PCDHGB7: variants seen among roughly 807,000 people sequenced by gnomAD.
PCDHGB7 encodes the protein protocadherin gamma-B7.
Under a neutral mutation model 61.4 loss-of-function variants are expected in PCDHGB7, and 37 were observed. The ratio of observed to expected loss-of-function variants is 0.60; its 90% CI spans 0.46 to 0.79. PCDHGB7 has a LOEUF of 0.79. Among genes scored for constraint, PCDHGB7 ranks in the 30% least tolerant of loss-of-function variants. The pLI, the probability that PCDHGB7 is intolerant of heterozygous loss-of-function variation, is 0.00. For missense variants in PCDHGB7, 1,166 were observed against 1,202.5 expected (o/e 0.97, Z 0.45); for synonymous variants, 464 against 503.5 (o/e 0.92, Z 1.05).
chr5:141,472,060 T>C (rs185246000), intron 1 of PCDHGB7, among the ~76,000 whole-genome samples: 5 of 152,276 alleles, frequency 3.3e-5, no homozygotes, highest in Non-Finnish European at 1.5e-5. Context: ...ATGATTGACA[T>C]GTCTGTGGTT....
rs1236959966 is a variant in PCDHGB7, at chr5:141,511,984, G to C, written c.*811G>C. On this transcript the variant is annotated 3_prime_UTR_variant, in exon 4 of 4. Transcript: ENST00000398594. ...GGGAAGTGTGTGGATGTGGATGGTGGGGGCATGGACAAAGCTTGACACATC... is the reference window on the plus strand; with the variant it reads ...GGGAAGTGTGTGGATGTGGATGGTGCGGGCATGGACAAAGCTTGACACATC... 1 of 153,294 alleles carries C rather than the reference G, an allele frequency of 6.5e-6. No individual in the cohort carries two copies. Among genetic ancestry groups the C allele is most frequent in the African/African-American group, 2.4e-5 (1 of 41,452 alleles). 9.5% of individuals were successfully genotyped at this position (153,294 alleles called of 1,614,324 possible). A position where few individuals can be genotyped will look rare whatever the true frequency, so the allele number is the denominator to read the frequency against.
rs2096254230 is a variant in PCDHGB7 at position 141,418,409 on chromosome 5, G to A, written c.550G>A (p.Asp184Asn). 1 of 1,613,792 alleles carries A rather than the reference G, an allele frequency of 6.2e-7. No homozygotes were observed. The highest frequency in any genetic ancestry group is 1.3e-5 in the African/African-American group (1 of 74,924). Residue 184 changes from aspartate (D) to asparagine (N), a missense_variant, in exon 1 of 4, where the codon GAC becomes AAC. Physicochemically the swap from Asp to Asn is conservative, Grantham distance 23. Transcript: ENST00000398594. ...PNEYFSLVEK[D>N]NPDGGKYPEL... ...CGAGTATTTCTCATTGGTGGAGAAA[G>A]ACAATCCTGATGGTGGCAAATATCC...
chr5:141,428,459 A>G (rs1322945046), intron 1 of PCDHGB7: 2 of 350,154 alleles, frequency 5.7e-6, no homozygotes, highest in Non-Finnish European at 1.1e-5. Flanking sequence ...CCCAACTACA[A>G]TGAGGGAACT....
At chr5:141,423,618 C>T (rs2096760725) in intron 1 of PCDHGB7, 2 of 1,608,284 alleles carry the variant, frequency 1.2e-6, no homozygotes, top group East Asian at 2.2e-5. Flanking sequence ...TAGCTGAAGA[C>T]TCAGCTATCA....
At position 141,487,362 on chromosome 5, in the gene PCDHGB7, C is replaced by T; in HGVS notation, c.2416-7445C>T. On this transcript the variant is annotated intron_variant, in intron 1 of 3. Transcript: ENST00000398594. The surrounding 1 kb of genome is among the most constrained non-coding windows in gnomAD (Gnocchi z 5.0). The stretch of plus-strand genomic sequence containing the variant: ...GGAGTCACATGCTTTCCTGCTGGCA[C>T]CTGTGCCTGTCTCACCAGATCTCGA... 3 of 1,614,200 alleles carry T rather than the reference C, an allele frequency of 1.9e-6. No homozygotes were observed. Among genetic ancestry groups the T allele is most frequent in the Non-Finnish European group, 2.5e-6 (3 of 1,180,044 alleles).
At chr5:141,468,877 T>C (rs1321110515) in intron 1 of PCDHGB7, among the ~76,000 whole-genome samples, 2 of 149,546 alleles carry the variant, frequency 1.3e-5, no homozygotes, top group African/African-American at 4.9e-5. Context: ...AAAATAATAA[T>C]AATAATAATA....
intron 1 of PCDHGB7, among the ~76,000 whole-genome samples, chr5:141,484,207 A>G (rs898823095): frequency 2.6e-5 from 4 of 152,218 alleles, no homozygotes; most frequent in Non-Finnish European, 5.9e-5. Context: ...ATCTATGAAC[A>G]TTAGCATTCT....
Position 141,490,252 on chromosome 5 carries a change from G to A in PCDHGB7, c.2416-4555G>A, listed in dbSNP as rs150107963. The A allele has an allele frequency of 1.9e-6, 3 of 1,614,252 alleles. No homozygotes were observed. Among genetic ancestry groups the A allele is most frequent in the Non-Finnish European group, 1.7e-6 (2 of 1,180,046 alleles). The stretch of plus-strand genomic sequence containing the variant: ...CATGGAGGGCCACTGTGTGATTCAA[G>A]TGGATGTGGGGGATGTCAATGACAA... On this transcript the variant is annotated intron_variant, in intron 1 of 3. Coordinates refer to ENST00000398594, the MANE Select transcript of PCDHGB7 (RefSeq NM_018927.4). This position sits in a 1 kb window ranked among gnomAD's most constrained non-coding sequence, Gnocchi z 5.4.
rs754747902 is a variant in PCDHGB7 at position 141,417,898 on chromosome 5, G to T, written c.39G>T (p.Pro13=). The T allele has an allele frequency of 5.5e-5, 87 of 1,579,262 alleles. 1 individual carries two copies. The South Asian group carries it at 7.8e-4, about 14-fold the overall frequency. The stretch of plus-strand genomic sequence containing the variant: ...GCGCGCAGAGGCGCCGGGCCGGCCC[G>T]CGGCAGGTACTATTTCCTTTGCTGC... ...GSCAQRRRAG[P]RQVLFPLLLP... is the part of the protein sequence containing the mutation. Residue 13 remains proline (P), a synonymous_variant, in exon 1 of 4, where the codon CCG becomes CCT. Coordinates refer to ENST00000398594, the MANE Select transcript of PCDHGB7 (RefSeq NM_018927.4).
intron 1 of PCDHGB7, chr5:141,441,665 A>G (rs994092543): frequency 2.3e-5 from 6 of 265,720 alleles, no homozygotes; most frequent in Non-Finnish European, 3.7e-5. Context: ...CCTTGAGCGC[A>G]CAGTGCGCCT....
At chr5:141,423,785 A>G (rs531378008) in intron 1 of PCDHGB7, 48 of 1,269,536 alleles carry the variant, frequency 3.8e-5, no homozygotes, top group Non-Finnish European at 4.4e-5. Context: ...TTTAGTTCAT[A>G]TATATTTAGA....
At chr5:141,454,838 C>T (rs1472341694) in intron 1 of PCDHGB7, among the ~76,000 whole-genome samples, 7 of 100,814 alleles carry the variant, frequency 6.9e-5, no homozygotes, top group Non-Finnish European at 1.1e-4. Flanking sequence ...GACAGAGTCG[C>T]GCTCTGTCAC....
At position 141,485,257 on chromosome 5, in the gene PCDHGB7, T is replaced by G. The variant is rs1251686604; in HGVS notation, c.2416-9550T>G. 1.9e-6 allele frequency: 3 copies of G among 1,614,036 alleles called. No homozygotes were observed. The highest frequency in any genetic ancestry group is 2.5e-6 in the Non-Finnish European group (3 of 1,180,006). ...TCTTTTACCACCTGGGTTACGTTTG[T>G]GGGCAGATCCGCTACCCGGTCCCAG... On this transcript the variant is annotated intron_variant, in intron 1 of 3. Coordinates refer to ENST00000398594, the MANE Select transcript of PCDHGB7 (RefSeq NM_018927.4). The surrounding 1 kb of genome is among the most constrained non-coding windows in gnomAD (Gnocchi z 5.7).
intron 1 of PCDHGB7, among the ~76,000 whole-genome samples, chr5:141,484,138 G>A (rs184277779): frequency 6.6e-6 from 1 of 152,244 alleles, no homozygotes; most frequent in Admixed American, 6.5e-5. Context: ...TCAGATAAAG[G>A]GAATTTGTAG....
intron 1 of PCDHGB7, among the ~76,000 whole-genome samples, chr5:141,437,228 A>C (rs1410620126): frequency 6.6e-6 from 1 of 152,228 alleles, no homozygotes; most frequent in Non-Finnish European, 1.5e-5. Context: ...CCAGTCATAA[A>C]ATTATGTCAA....
In PCDHGB7 at chr5:141,431,450, A is replaced by G; in HGVS notation, c.2415+11176A>G. 2 of 1,613,740 alleles carry G rather than the reference A, an allele frequency of 1.2e-6. No individual in the cohort carries two copies. Among genetic ancestry groups the G allele is most frequent in the South Asian group, 1.1e-5 (1 of 91,082 alleles). Reference sequence around the variant, plus strand: ...CACAGGCACCGCGCGCATCCGCGTGATGGTTCTGGATGCGAACGACAACGC... The same window carrying G: ...CACAGGCACCGCGCGCATCCGCGTGGTGGTTCTGGATGCGAACGACAACGC... On this transcript the variant is annotated intron_variant, in intron 1 of 3. Coordinates refer to ENST00000398594, the MANE Select transcript of PCDHGB7 (RefSeq NM_018927.4). The surrounding 1 kb of genome is among the most constrained non-coding windows in gnomAD (Gnocchi z 4.8).
In PCDHGB7 at chr5:141,503,993, C is replaced by T. The variant is rs376134059; in HGVS notation, c.2475-1400C>T. Reference sequence around the variant, plus strand: ...GTGCCAAACCCTTCTTCTTACCTTACAGTCACTTAACTGTCTCTGCTGGTC... The same window carrying T: ...GTGCCAAACCCTTCTTCTTACCTTATAGTCACTTAACTGTCTCTGCTGGTC... On this transcript the variant is annotated intron_variant, in intron 2 of 3. Transcript: ENST00000398594. Among the ~76,000 whole-genome samples, 13 of 152,312 alleles carry T rather than the reference C, an allele frequency of 8.5e-5. 1 individual carries two copies. In the East Asian group the frequency reaches 1.7e-3, roughly 20 times the overall value.
Position 141,490,387 on chromosome 5 carries a change from G to C in PCDHGB7, c.2416-4420G>C. 2 of 1,614,196 alleles carry C rather than the reference G, an allele frequency of 1.2e-6. No individual in the cohort carries two copies. The highest frequency in any genetic ancestry group is 1.7e-6 in the Non-Finnish European group (2 of 1,180,034). On this transcript the variant is annotated intron_variant, in intron 1 of 3. Transcript: ENST00000398594. This position sits in a 1 kb window ranked among gnomAD's most constrained non-coding sequence, Gnocchi z 5.4. ...GCGAGACCGGGACTCAGGTAGAAATGGTGAAGTGAGCCTTGATATCTCTCC... is the reference window on the plus strand; with the variant it reads ...GCGAGACCGGGACTCAGGTAGAAATCGTGAAGTGAGCCTTGATATCTCTCC...
intron 1 of PCDHGB7, among the ~76,000 whole-genome samples, chr5:141,456,023 G>A (rs937523861): frequency 1.3e-5 from 2 of 151,586 alleles, no homozygotes; most frequent in South Asian, 2.1e-4. Context: ...TCAGCCTCCC[G>A]AGTAGCTGGG....
Sources: allele counts gnomAD v4.1 joint callset (sites outside exome capture counted in the v4.1 genomes callset), GRCh38; gene constraint gnomAD v4.1.1; non-coding constraint Gnocchi (gnomAD v3.1); transcripts MANE v1.5; gene names NCBI Gene and HGNC (gene_info 2026-07-23, HGNC 2026-07-21).